The following LEFTY1 variants were observed in gnomAD, a reference collection of about 807,000 sequenced individuals.
The protein encoded by LEFTY1 is left-right determination factor B.
In LEFTY1, 18 loss-of-function variants were observed where a neutral mutation model predicts 22.6. That is an observed-to-expected ratio of 0.80 (90% CI 0.55 to 1.18). The LOEUF is 1.18. Among genes scored for constraint, LEFTY1 ranks in the 50% most tolerant of loss-of-function variants. The probability of loss-of-function intolerance (pLI) is 0.00; values close to 1 mark genes in which losing one functional copy is unlikely to be tolerated. For missense variants in LEFTY1, 414 were observed against 495.4 expected (o/e 0.84, Z 1.56); for synonymous variants, 201 against 231.5 (o/e 0.87, Z 1.20).
Position 225,886,590 on chromosome 1 carries a change from A to G in LEFTY1, c.*137T>C. The G allele has an allele frequency of 6.7e-7, 1 of 1,492,960 alleles. No individual in the cohort carries two copies. The highest frequency in any genetic ancestry group is 8.9e-7 in the Non-Finnish European group (1 of 1,124,972). The allele number at this position is 1,492,960 out of a possible 1,614,324, so 92.5% of individuals were successfully genotyped here. A position where few individuals can be genotyped will look rare whatever the true frequency, so the allele number is the denominator to read the frequency against. ...AAAATTAGGTGAGGTAACTTGTCAG[A>G]GGAAGCAAATTCAGGGCTCACTAGA... On this transcript the variant is annotated 3_prime_UTR_variant, in exon 4 of 4. Transcript: ENST00000272134.
intron 1 of LEFTY1, 79 bp downstream of exon 1, chr1:225,888,738 G>A (rs1671337761): frequency 6.3e-7 from 1 of 1,583,272 alleles, no homozygotes; most frequent in African/African-American, 1.3e-5. Context: ...TGCAAGGCCA[G>A]GAGCCCTTTG....
chr1:225,889,012 C>T lies in LEFTY1; in HGVS notation c.55G>A (p.Gly19Arg), dbSNP rs370956645. The change falls in exon 1 of 4, where the codon GGG becomes AGG. Residue 19 changes from glycine (G) to arginine (R), a missense_variant. Gly to Arg is a moderately radical substitution (Grantham distance 125). This residue lies in a region of LEFTY1 where 398 missense variants were observed against 454.7 expected (regional missense o/e 0.88). Transcript: ENST00000272134. ...AGCTGCTCCCCGGTCAGGGCGGCCC[C>T]GGGGCTGGCCAGGGGCAACACCCAG... is the stretch of plus-strand genomic sequence containing the variant. ...ALWVLPLASP[G>R]AALTGEQLLG... The T allele has an allele frequency of 1.8e-5, 28 of 1,526,218 alleles. No individual in the cohort carries two copies. The highest frequency in any genetic ancestry group is 8.1e-5 in the Admixed American group (4 of 49,402). 94.5% of individuals were successfully genotyped at this position (1,526,218 alleles called of 1,614,324 possible).
chr1:225,888,281 C>CA (rs1191990659), intron 1 of LEFTY1, among the ~76,000 whole-genome samples: 1 of 152,186 alleles, frequency 6.6e-6, no homozygotes, highest in Non-Finnish European at 1.5e-5. Context: ...GCAGAATCCT[C>CA]ACCCAGGTGC....
At position 225,887,622 on chromosome 1, in the gene LEFTY1, C is replaced by G; in HGVS notation, c.514G>C (p.Glu172Gln). ...LIDSRLVSVHESGWKAFDVTE... is the reference protein window; with the variant it reads ...LIDSRLVSVHQSGWKAFDVTE... ...ACGTCGAAGGCCTTCCAGCCGCTCT[C>G]GTGGACGGACACCAGCCTGAGACAT... The change falls in exon 3 of 4, where the codon GAG becomes CAG. Residue 172 changes from glutamate (E) to glutamine (Q), a missense_variant. Glu to Gln is a conservative substitution (Grantham distance 29). Around this residue, in one of 2 missense-constraint regions of LEFTY1, gnomAD observed 398 missense variants for 454.7 expected, o/e 0.88. Coordinates refer to ENST00000272134, the MANE Select transcript of LEFTY1 (RefSeq NM_020997.4). 5 of 1,612,298 alleles carry G rather than the reference C, an allele frequency of 3.1e-6. No homozygotes were observed. Among genetic ancestry groups the G allele is most frequent in the Non-Finnish European group, 4.2e-6 (5 of 1,179,778 alleles).
chr1:225,887,272 G>A, intron 3 of LEFTY1, 127 bp downstream of exon 3: 1 of 1,526,464 alleles, frequency 6.6e-7, no homozygotes, highest in Non-Finnish European at 8.8e-7. Flanking sequence ...TCTCCTAAGA[G>A]TCAGAGGAAG....
Position 225,886,682 on chromosome 1 carries a change from C to A in LEFTY1, c.*45G>T. ...GCTCTCCTGGTACCCTCGAACACTT[C>A]AGAAACACACACAAGTCAAGTCCCT... On this transcript the variant is annotated 3_prime_UTR_variant, in exon 4 of 4. Coordinates refer to ENST00000272134, the MANE Select transcript of LEFTY1 (RefSeq NM_020997.4). The A allele has an allele frequency of 4.3e-6, 7 of 1,611,868 alleles. No individual in the cohort carries two copies. Among genetic ancestry groups the A allele is most frequent in the Non-Finnish European group, 5.9e-6 (7 of 1,179,812 alleles).
chr1:225,888,067 C>G (rs451567), intron 1 of LEFTY1, 35 bp from the exon 2 acceptor site: 44,209 of 1,543,098 alleles, frequency 0.029, 3,501 homozygotes, highest in East Asian at 0.19. Context: ...GGGCCTCCCC[C>G]GACTCCAGGG....
chr1:225,888,993 T>C lies in LEFTY1; in HGVS notation c.74A>G (p.Glu25Gly). ...CCGCAGCAGGCTGCCCAGGAGCTGC[T>C]CCCCGGTCAGGGCGGCCCCGGGGCT... ...LASPGAALTG[E>G]QLLGSLLRQL... Residue 25 changes from glutamate (E) to glycine (G), a missense_variant, in exon 1 of 4, where the codon GAG becomes GGG. Glu to Gly is a moderately conservative substitution (Grantham distance 98). This residue lies in a region of LEFTY1 where 398 missense variants were observed against 454.7 expected (regional missense o/e 0.88). Coordinates refer to ENST00000272134, the MANE Select transcript of LEFTY1 (RefSeq NM_020997.4). 6.3e-7 allele frequency: 1 copy of C among 1,576,534 alleles called. No individual in the cohort carries two copies.
rs774665014 is a variant in LEFTY1 at position 225,889,075 on chromosome 1, C to A, written c.-9G>T. On this transcript the variant is annotated 5_prime_UTR_variant, in exon 1 of 4. Transcript: ENST00000272134. ...AGCCACAGGGGCTGCATGGTGCTGC[C>A]CTGGAGGAGCAAGAGGCAGAGTGGG... 6 of 1,457,394 alleles carry A rather than the reference C, an allele frequency of 4.1e-6. No homozygotes were observed. In the African/African-American group the frequency reaches 8.5e-5, roughly 21 times the overall value. The allele number at this position is 1,457,394 out of a possible 1,614,324, so 90.3% of individuals were successfully genotyped here.
At chr1:225,888,098 C>A in intron 1 of LEFTY1, 66 bp from the exon 2 acceptor site, 1 of 1,576,442 alleles carries the variant, frequency 6.3e-7, no homozygotes, top group East Asian at 2.3e-5. Flanking sequence ...GATGGCAGGG[C>A]CACTGAGCTG....
At position 225,886,663 on chromosome 1, in the gene LEFTY1, C is replaced by G. The variant is rs1671283796; in HGVS notation, c.*64G>C. 5 of 1,607,112 alleles carry G rather than the reference C, an allele frequency of 3.1e-6. No homozygotes were observed. In the African/African-American group the frequency reaches 4.0e-5, roughly 13 times the overall value. ...AGCAGTTCAGTCATCGCCAGCTCTCCTGGTACCCTCGAACACTTCAGAAAC... is the reference window on the plus strand; with the variant it reads ...AGCAGTTCAGTCATCGCCAGCTCTCGTGGTACCCTCGAACACTTCAGAAAC... On this transcript the variant is annotated 3_prime_UTR_variant, in exon 4 of 4. Coordinates refer to ENST00000272134, the MANE Select transcript of LEFTY1 (RefSeq NM_020997.4).
At chr1:225,888,298 T>C (rs1385181184) in intron 1 of LEFTY1, among the ~76,000 whole-genome samples, 5 of 152,070 alleles carry the variant, frequency 3.3e-5, no homozygotes, top group South Asian at 2.1e-4. Context: ...GTGCCTGGCA[T>C]TGGGTCTAGC....
At chr1:225,888,697 C>T (rs1360410071) in intron 1 of LEFTY1, 120 bp downstream of exon 1, 3 of 1,363,950 alleles carry the variant, frequency 2.2e-6, no homozygotes, top group Non-Finnish European at 1.0e-6. Context: ...CCCCTTAGAC[C>T]GTGGCCCTCA....
chr1:225,889,104 G>A lies in LEFTY1; in HGVS notation c.-38C>T. 6.9e-7 allele frequency: 1 copy of A among 1,439,908 alleles called. No individual in the cohort carries two copies. The highest frequency in any genetic ancestry group is 9.1e-7 in the Non-Finnish European group (1 of 1,100,536). 89.2% of individuals were successfully genotyped at this position (1,439,908 alleles called of 1,614,324 possible). A position where few individuals can be genotyped will look rare whatever the true frequency, so the allele number is the denominator to read the frequency against. On this transcript the variant is annotated 5_prime_UTR_variant, in exon 1 of 4. Transcript: ENST00000272134. Reference sequence around the variant, plus strand: ...GAGGAGCAAGAGGCAGAGTGGGGCTGTCCCTTGAGAAGGCTGCAGGAGGGT... The same window carrying A: ...GAGGAGCAAGAGGCAGAGTGGGGCTATCCCTTGAGAAGGCTGCAGGAGGGT...
At chr1:225,888,390 C>A (rs563150915) in intron 1 of LEFTY1, among the ~76,000 whole-genome samples, 1 of 152,178 alleles carries the variant, frequency 6.6e-6, no homozygotes, top group Non-Finnish European at 1.5e-5. Context: ...CCGCTGCACC[C>A]CTGACAGCCA....
chr1:225,889,096 G>T lies in LEFTY1; in HGVS notation c.-30C>A, dbSNP rs543111252. 4.1e-6 allele frequency: 6 copies of T among 1,446,982 alleles called. No individual in the cohort carries two copies. The East Asian group carries it at 7.3e-5, about 18-fold the overall frequency. The allele number at this position is 1,446,982 out of a possible 1,614,324, so 89.6% of individuals were successfully genotyped here. ...CTGCCCTGGAGGAGCAAGAGGCAGA[G>T]TGGGGCTGTCCCTTGAGAAGGCTGC... On this transcript the variant is annotated 5_prime_UTR_variant, in exon 1 of 4. Transcript: ENST00000272134.
At chr1:225,887,119 G>A (rs41305739) in intron 3 of LEFTY1, 29 bp from the exon 4 acceptor site, 26 of 1,582,408 alleles carry the variant, frequency 1.6e-5, no homozygotes, top group Admixed American at 5.5e-5. Flanking sequence ...CAGGGTCAGC[G>A]GTCAGCTGGG....
rs1364979490 is a variant in LEFTY1 at position 225,887,862 on chromosome 1, C to T, written c.421G>A (p.Ala141Thr). 3.9e-6 allele frequency: 6 copies of T among 1,530,508 alleles called. No individual in the cohort carries two copies. The highest frequency in any genetic ancestry group is 5.2e-6 in the Non-Finnish European group (6 of 1,145,202). The allele number at this position is 1,530,508 out of a possible 1,614,324, so 94.8% of individuals were successfully genotyped here. ...HRHGRLSPRS[A>T]RARVTVEWLR... ...CACTCGACGGTCACCCGGGCCCGGG[C>T]GCTGCGCGGGGACAGCCGCCCGTGC... The change falls in exon 2 of 4, where the codon GCC becomes ACC. Residue 141 changes from alanine to threonine, a missense_variant. Transcript: ENST00000272134.
chr1:225,887,989 C>A lies in LEFTY1; in HGVS notation c.294G>T (p.Leu98=). ...RFLALEASTH[L]LVFGMEQRLP... ...GCCGCTGCTCCATGCCGAACACCAG[C>A]AGGTGTGTGCTGGCCTCCAACGCCA... Residue 98 remains leucine (L), a synonymous_variant, in exon 2 of 4, where the codon CTG becomes CTT. Coordinates refer to ENST00000272134, the MANE Select transcript of LEFTY1 (RefSeq NM_020997.4). 6.3e-7 allele frequency: 1 copy of A among 1,590,522 alleles called. No individual in the cohort carries two copies. The highest frequency in any genetic ancestry group is 8.5e-7 in the Non-Finnish European group (1 of 1,178,272).
Sources: gnomAD v4.1 joint callset for allele counts (sites outside exome capture counted in the v4.1 genomes callset) on GRCh38, gnomAD v4.1.1 for gene constraint, gnomAD v4.1.1 regional missense constraint, MANE v1.5 for transcripts, NCBI Gene and HGNC (gene_info 2026-07-23, HGNC 2026-07-21) for gene names.